ENPP3: variants seen among roughly 807,000 people sequenced by gnomAD.
ENPP3 encodes ectonucleotide pyrophosphatase/phosphodiesterase 3, also known as ectonucleotide pyrophosphatase/phosphodiesterase family member 3.
In ENPP3, 104 loss-of-function variants were observed where a neutral mutation model predicts 117.8. That is an observed-to-expected ratio of 0.88 (90% CI 0.75 to 1.04). ENPP3 has a LOEUF of 1.04. Among genes scored for constraint, ENPP3 ranks in the 50% least tolerant of loss-of-function variants. The pLI is 0.00. For missense variants in ENPP3, 1,026 were observed against 1,051.9 expected (o/e 0.98, Z 0.34); for synonymous variants, 380 against 349.9 (o/e 1.09, Z -0.96).
At chr6:131,682,877 A>G (rs1262159944) in intron 11 of ENPP3, among the ~76,000 whole-genome samples, 177 bp from the exon 12 acceptor site, 1 of 152,220 alleles carries the variant, frequency 6.6e-6, no homozygotes, top group Non-Finnish European at 1.5e-5. Context: ...ATAGAAATTT[A>G]GGGAATTGGT....
intron 2 of ENPP3, among the ~76,000 whole-genome samples, chr6:131,643,347 G>T (rs1778091122): frequency 6.6e-6 from 1 of 152,158 alleles, no homozygotes; most frequent in South Asian, 2.1e-4. Flanking sequence ...CATATCTAAT[G>T]TCTGAACAAA....
At chr6:131,706,918 C>G (rs1441910874) in intron 15 of ENPP3, among the ~76,000 whole-genome samples, 1 of 152,080 alleles carries the variant, frequency 6.6e-6, no homozygotes, top group Non-Finnish European at 1.5e-5. Context: ...CTCTCTCTCT[C>G]CTGGTTTTGG....
At chr6:131,675,669 A>G (rs1225994011) in intron 9 of ENPP3, among the ~76,000 whole-genome samples, 1 of 151,980 alleles carries the variant, frequency 6.6e-6, no homozygotes, top group Non-Finnish European at 1.5e-5. Flanking sequence ...CTCTACCAGA[A>G]GAAAAAATAC....
intron 20 of ENPP3, among the ~76,000 whole-genome samples, chr6:131,728,225 A>G (rs1226576579): frequency 1.3e-5 from 2 of 152,200 alleles, no homozygotes; most frequent in Non-Finnish European, 2.9e-5. Flanking sequence ...GAGGAGTGGC[A>G]TACTCAGGGT....
chr6:131,646,388 G>GTCTT (rs1303709253), intron 2 of ENPP3, among the ~76,000 whole-genome samples: 2 of 151,470 alleles, frequency 1.3e-5, no homozygotes, highest in African/African-American at 4.9e-5. Flanking sequence ...TTCAGTGTTT[G>GTCTT]TCTTTCATGT....
intron 24 of ENPP3, among the ~76,000 whole-genome samples, 160 bp downstream of exon 24, chr6:131,740,540 A>T (rs1780507176): frequency 6.6e-6 from 1 of 152,192 alleles, no homozygotes; most frequent in South Asian, 2.1e-4. Context: ...TAGGCTATTG[A>T]TCTCTATGTA....
chr6:131,652,630 G>C lies in ENPP3; in HGVS notation c.366G>C (p.Arg122Ser). The stretch of plus-strand genomic sequence containing the variant: ...CTTGTTCAGATGACTGTTTGCAGAG[G>C]AAAGATTGCTGTGCTGACTATAAGA... ...LCSCSDDCLQ[R>S]KDCCADYKSV... The change falls in exon 4 of 25, where the codon AGG becomes AGC. Residue 122 changes from arginine to serine, a missense_variant. Coordinates refer to ENST00000357639, the MANE Select transcript of ENPP3 (RefSeq NM_005021.5). 6.2e-7 allele frequency: 1 copy of C among 1,614,092 alleles called. No individual in the cohort carries two copies. The highest frequency in any genetic ancestry group is 1.1e-5 in the South Asian group (1 of 91,078).
chr6:131,646,715 C>T (rs1778160114), intron 2 of ENPP3, among the ~76,000 whole-genome samples: 2 of 148,944 alleles, frequency 1.3e-5, no homozygotes, highest in Non-Finnish European at 3.0e-5. Context: ...TGGGACCTCC[C>T]TTCTAGGGTC....
At chr6:131,716,927 C>G (rs56295039) in intron 15 of ENPP3, among the ~76,000 whole-genome samples, 1 of 150,590 alleles carries the variant, frequency 6.6e-6, no homozygotes, top group African/African-American at 2.4e-5. Flanking sequence ...GCCAAGATCA[C>G]GCCACTTCAC....
chr6:131,723,983 C>A, intron 18 of ENPP3, 57 bp from the exon 19 acceptor site: 3 of 1,256,316 alleles, frequency 2.4e-6, no homozygotes, highest in Non-Finnish European at 3.5e-6. Context: ...CCCCTTAAAA[C>A]ACATATTGTT....
In ENPP3 at chr6:131,740,318, G is replaced by T; in HGVS notation, c.2395G>T (p.Gly799Trp). ...NKSHTPENCP[G>W]WLDVLPFIIP... ...GAGCCACACACCGGAAAACTGCCCT[G>T]GGTGGCTGGATGTCCTACCCTTTAT... is the stretch of plus-strand genomic sequence containing the variant. The change falls in exon 24 of 25, where the codon GGG (glycine) becomes TGG (tryptophan). Residue 799 changes from glycine to tryptophan, a missense_variant. Physicochemically the swap from Gly to Trp is radical, Grantham distance 184. Coordinates refer to ENST00000357639, the MANE Select transcript of ENPP3 (RefSeq NM_005021.5). 4.3e-6 allele frequency: 7 copies of T among 1,613,148 alleles called. No individual in the cohort carries two copies. The highest frequency in any genetic ancestry group is 5.9e-6 in the Non-Finnish European group (7 of 1,179,506).
At position 131,652,829 on chromosome 6, in the gene ENPP3, A is replaced by T; in HGVS notation, c.404-2A>T. ...TCAAGATTTTGATCTTATGCTTTTCAGGAGAAACCTCATGGCTGGAAGAAA... is the reference window on the plus strand; with the variant it reads ...TCAAGATTTTGATCTTATGCTTTTCTGGAGAAACCTCATGGCTGGAAGAAA... On this transcript the variant is annotated splice_acceptor_variant, in intron 4 of 24. Coordinates refer to ENST00000357639, the MANE Select transcript of ENPP3 (RefSeq NM_005021.5). LOFTEE classifies it high-confidence loss of function. The T allele has an allele frequency of 6.2e-7, 1 of 1,612,886 alleles. No individual in the cohort carries two copies. Among genetic ancestry groups the T allele is most frequent in the Non-Finnish European group, 8.5e-7 (1 of 1,178,900 alleles).
intron 8 of ENPP3, 82 bp downstream of exon 8, chr6:131,674,363 G>A (rs1562443112): frequency 7.3e-7 from 1 of 1,369,390 alleles, no homozygotes; most frequent in Non-Finnish European, 1.0e-6. Flanking sequence ...ACTCAGTGGA[G>A]CAAGTTCTAT....
chr6:131,691,633 C>T (rs1049288264), intron 14 of ENPP3, among the ~76,000 whole-genome samples: 7 of 151,578 alleles, frequency 4.6e-5, no homozygotes, highest in African/African-American at 9.7e-5. Flanking sequence ...AAAATTGTAT[C>T]TCAACTCTGT....
intron 17 of ENPP3, 58 bp downstream of exon 17, chr6:131,720,437 T>C (rs1216607057): frequency 6.9e-6 from 6 of 871,330 alleles, no homozygotes; most frequent in Non-Finnish European, 1.1e-5. Context: ...ATATATGTGA[T>C]TTGAAATTGG....
chr6:131,730,840 A>C (rs1780262284), intron 20 of ENPP3, among the ~76,000 whole-genome samples: 1 of 151,308 alleles, frequency 6.6e-6, no homozygotes, highest in Non-Finnish European at 1.5e-5. Context: ...AGTTGAACCC[A>C]GGAGGCAGAG....
chr6:131,695,487 T>C (rs759084800), intron 15 of ENPP3, among the ~76,000 whole-genome samples: 2 of 152,202 alleles, frequency 1.3e-5, no homozygotes, highest in African/African-American at 2.4e-5. Flanking sequence ...AAAATTAATA[T>C]CTTAGAGTCT....
At chr6:131,645,753 C>T (rs3904565) in intron 2 of ENPP3, among the ~76,000 whole-genome samples, 1 of 152,134 alleles carries the variant, frequency 6.6e-6, no homozygotes, top group East Asian at 1.9e-4. Context: ...TCCAGAGTTG[C>T]TTTTAATACA....
At position 131,685,453 on chromosome 6, in the gene ENPP3, C is replaced by G; in HGVS notation, c.1210C>G (p.Pro404Ala). Reference protein sequence around the residue: ...NFFYMYEGPAPRIRAHNIPHD... With the variant: ...NFFYMYEGPAARIRAHNIPHD... Reference sequence around the variant, plus strand: ...CTTCTACATGTACGAAGGGCCTGCCCCCCGCATCCGAGCTCATAATATACC... The same window carrying G: ...CTTCTACATGTACGAAGGGCCTGCCGCCCGCATCCGAGCTCATAATATACC... Residue 404 changes from proline (P) to alanine (A), a missense_variant, in exon 13 of 25, where the codon CCC becomes GCC. By Grantham distance (27) the Pro-to-Ala change is conservative (BLOSUM62 -1). Coordinates refer to ENST00000357639, the MANE Select transcript of ENPP3 (RefSeq NM_005021.5). 2 of 1,613,822 alleles carry G rather than the reference C, an allele frequency of 1.2e-6. No individual in the cohort carries two copies. Among genetic ancestry groups the G allele is most frequent in the Non-Finnish European group, 1.7e-6 (2 of 1,179,912 alleles).
Sources: gnomAD v4.1 joint callset for allele counts (sites outside exome capture counted in the v4.1 genomes callset) on GRCh38, gnomAD v4.1.1 for gene constraint, MANE v1.5 for transcripts, NCBI Gene and HGNC (gene_info 2026-07-23, HGNC 2026-07-21) for gene names.